Variants in ERCC2 observed in about 807,000 individuals in gnomAD.
The protein encoded by ERCC2 is general transcription and DNA repair factor IIH helicase subunit XPD.
Under a neutral mutation model 99.4 loss-of-function variants are expected in ERCC2, and 90 were observed. The ratio of observed to expected loss-of-function variants is 0.91; its 90% CI spans 0.76 to 1.08. The LOEUF is 1.08. Ranked by LOEUF, ERCC2 falls within the 50% of genes least tolerant of loss-of-function variation. The pLI is 0.00. For missense variants in ERCC2, 993 were observed against 1,038.1 expected (o/e 0.96, Z 0.60); for synonymous variants, 497 against 432.4 (o/e 1.15, Z -1.85).
In ERCC2 at chr19:45,359,082, G is replaced by C. The variant is rs78934286; in HGVS notation, c.1238-1383C>G. The C allele has an allele frequency of 2.1e-4, 126 of 598,596 alleles. 1 individual carries two copies. The highest frequency in any genetic ancestry group is 1.9e-3 in the African/African-American group (105 of 53,982). 37.1% of individuals were successfully genotyped at this position (598,596 alleles called of 1,614,324 possible). A position where few individuals can be genotyped will look rare whatever the true frequency, so the allele number is the denominator to read the frequency against. On this transcript the variant is annotated intron_variant, in intron 12 of 22. Transcript: ENST00000391945. ...GACAGACTTGTCCTCAGATAGTGATGACTGAGAGTGGGCAGTGCTGGGACA... is the reference window on the plus strand; with the variant it reads ...GACAGACTTGTCCTCAGATAGTGATCACTGAGAGTGGGCAGTGCTGGGACA...
intron 14 of ERCC2, 49 bp from the exon 15 acceptor site, chr19:45,357,420 G>T: frequency 6.2e-7 from 1 of 1,607,850 alleles, no homozygotes; most frequent in East Asian, 2.2e-5. Flanking sequence ...GCAGGGACCA[G>T]GAGGCCCATG....
intron 15 of ERCC2, 29 bp from the exon 16 acceptor site, chr19:45,355,757 G>T: frequency 6.2e-7 from 1 of 1,605,570 alleles, no homozygotes. Context: ...CACGATAAGC[G>T]AGGCAGCAGC....
chr19:45,364,765 G>A lies in ERCC2; in HGVS notation c.594+73C>T, dbSNP rs1337370085. The A allele has an allele frequency of 5.3e-6, 7 of 1,316,762 alleles. 1 individual carries two copies. Among genetic ancestry groups the A allele is most frequent in the Admixed American group, 1.7e-5 (1 of 58,726 alleles). 81.6% of individuals were successfully genotyped at this position (1,316,762 alleles called of 1,614,324 possible). ...CTCACAGCAAGCAACAGACAGACAT[G>A]GGCAGACAGGAGACGGGCGGGCAGC... On this transcript the variant is annotated intron_variant, in intron 7 of 22. Coordinates refer to ENST00000391945, the MANE Select transcript of ERCC2 (RefSeq NM_000400.4).
chr19:45,354,646 A>C, intron 17 of ERCC2, 84 bp downstream of exon 17: 1 of 1,559,470 alleles, frequency 6.4e-7, no homozygotes, highest in Non-Finnish European at 8.8e-7. Flanking sequence ...TCACCATCAG[A>C]GTGTGAGAGG....
At chr19:45,355,363 A>C (rs954120451) in intron 16 of ERCC2, among the ~76,000 whole-genome samples, 9 of 152,300 alleles carry the variant, frequency 5.9e-5, no homozygotes, top group African/African-American at 1.9e-4. Context: ...TCTCAAAAAA[A>C]GGCCATGTGT....
At position 45,362,817 on chromosome 19, in the gene ERCC2, C is replaced by T. The variant is rs1299165652; in HGVS notation, c.1118+926G>A. 3.3e-5 allele frequency among the ~76,000 whole-genome samples: 5 copies of T among 152,226 alleles called. No individual in the cohort carries two copies. In the East Asian group the frequency reaches 9.6e-4, roughly 29 times the overall value. On this transcript the variant is annotated intron_variant, in intron 11 of 22. Coordinates refer to ENST00000391945, the MANE Select transcript of ERCC2 (RefSeq NM_000400.4). ...GCCTCACCCACAGAGGCAGGGCAGC[C>T]AGGGCCTTTGGAGCCCACAGGCATG...
In ERCC2 at chr19:45,370,519, C is replaced by T. The variant is rs952870745; in HGVS notation, c.5+17G>A. 1.4e-5 allele frequency: 23 copies of T among 1,587,756 alleles called. No homozygotes were observed. Among genetic ancestry groups the T allele is most frequent in the Non-Finnish European group, 1.9e-5 (22 of 1,172,396 alleles). ...CCCGCGCCCGCTAGCGAGCGCGACC[C>T]CCAGCCCCCTTCTCACTTCATGGCG... On this transcript the variant is annotated intron_variant, in intron 1 of 22. Coordinates refer to ENST00000391945, the MANE Select transcript of ERCC2 (RefSeq NM_000400.4).
intron 5 of ERCC2, among the ~76,000 whole-genome samples, chr19:45,367,551 CTT>C (rs1477356604): frequency 6.8e-6 from 1 of 146,578 alleles, no homozygotes; most frequent in Non-Finnish European, 1.5e-5. Flanking sequence ...GAGTTTCACT[CTT>C]GTTGCCCAGG....
chr19:45,367,037 A>G (rs1972445352), intron 5 of ERCC2, among the ~76,000 whole-genome samples: 1 of 152,040 alleles, frequency 6.6e-6, no homozygotes, highest in Non-Finnish European at 1.5e-5. Context: ...CTCCATTTCA[A>G]AAATAATAAT....
rs1486530003 is a variant in ERCC2, at chr19:45,352,379, C to T, written c.2047-27G>A. 4 of 1,613,850 alleles carry T rather than the reference C, an allele frequency of 2.5e-6. No homozygotes were observed. The South Asian group carries it at 3.3e-5, about 13-fold the overall frequency. Reference sequence around the variant, plus strand: ...TGTGGGCAGAAGCGCAGGCCAGGGACAGAAGGTCATTCGGGGAGCCTGGGC... The same window carrying T: ...TGTGGGCAGAAGCGCAGGCCAGGGATAGAAGGTCATTCGGGGAGCCTGGGC... On this transcript the variant is annotated intron_variant, in intron 21 of 22. Transcript: ENST00000391945.
At position 45,350,895 on chromosome 19, in the gene ERCC2, C is replaced by G. The variant is rs993345471; in HGVS notation, c.*734G>C. 2 of 1,584,126 alleles carry G rather than the reference C, an allele frequency of 1.3e-6. No homozygotes were observed. Among genetic ancestry groups the G allele is most frequent in the Non-Finnish European group, 1.7e-6 (2 of 1,153,262 alleles). On this transcript the variant is annotated 3_prime_UTR_variant, in exon 23 of 23. Transcript: ENST00000391945. ...ATCAAACCCTGTGCTGGAAAGGTCC[C>G]TCGTGGAGGGGGGCCACTCCTGGAT...
At chr19:45,353,725 A>T (rs1449764813) in intron 17 of ERCC2, among the ~76,000 whole-genome samples, 1 of 152,184 alleles carries the variant, frequency 6.6e-6, no homozygotes, top group African/African-American at 2.4e-5. Flanking sequence ...CAGAATGGAG[A>T]GTCCAGAAAC....
Position 45,370,166 on chromosome 19 carries a change from G to A in ERCC2, c.72C>T (p.Tyr24=), listed in dbSNP as rs41549115. ...YDYIYPEQFS[Y]MRELKRTLDA... ...CCAGCGTGCGTTTGAGCTCCCGCAT[G>A]TAGGAGAACTGCTCGGGGTAGATGT... Residue 24 remains tyrosine, a synonymous_variant, in exon 2 of 23, where the codon TAC becomes TAT. Transcript: ENST00000391945. 20 of 1,613,282 alleles carry A rather than the reference G, an allele frequency of 1.2e-5. No homozygotes were observed. The highest frequency in any genetic ancestry group is 1.7e-5 in the Non-Finnish European group (20 of 1,179,464).
chr19:45,350,398 A>G lies in ERCC2; in HGVS notation c.*1231T>C, dbSNP rs768739633. On this transcript the variant is annotated 3_prime_UTR_variant, in exon 23 of 23. Transcript: ENST00000391945. ...ACAAGCGGAAGAGCTGTACAAAGAA[A>G]TCCTCCACAAGGAGGACCTACCCGC... The G allele has an allele frequency of 6.2e-7, 1 of 1,613,094 alleles. No homozygotes were observed. The highest frequency in any genetic ancestry group is 8.5e-7 in the Non-Finnish European group (1 of 1,179,830).
Position 45,363,947 on chromosome 19 carries a change from G to A in ERCC2, c.950-36C>T, listed in dbSNP as rs543738661. The A allele has an allele frequency of 1.6e-5, 25 of 1,515,260 alleles. No homozygotes were observed. The Middle Eastern group carries it at 6.8e-4, about 41-fold the overall frequency. The allele number at this position is 1,515,260 out of a possible 1,614,324, so 93.9% of individuals were successfully genotyped here. ...ACGCTATCAGCGGCGACGGGGAGGC[G>A]GGAAAGGGACTGGGGGGCAGCGGGG... On this transcript the variant is annotated intron_variant, in intron 10 of 22. Coordinates refer to ENST00000391945, the MANE Select transcript of ERCC2 (RefSeq NM_000400.4).
rs777791255 is a variant in ERCC2 at position 45,364,204 on chromosome 19, G to A, written c.815+31C>T. The A allele has an allele frequency of 1.5e-5, 24 of 1,611,922 alleles. No homozygotes were observed. In the East Asian group the frequency reaches 1.8e-4, roughly 12 times the overall value. On this transcript the variant is annotated intron_variant, in intron 9 of 22. Coordinates refer to ENST00000391945, the MANE Select transcript of ERCC2 (RefSeq NM_000400.4). ...GGGGCCAGGGTCCCAGGGGCAGGGC[G>A]GGCACCACCGCCAGACGTCCCCGGC...
chr19:45,351,130 T>G lies in ERCC2; in HGVS notation c.*499A>C, dbSNP rs140206614. ...GGAGTCAGCAGGTGGTGGGTTGGTG[T>G]CAGAAGAGACCCAGGACAGGAGCAA... On this transcript the variant is annotated 3_prime_UTR_variant, in exon 23 of 23. Transcript: ENST00000391945. 5.0e-5 allele frequency: 80 copies of G among 1,603,198 alleles called. No individual in the cohort carries two copies. The African/African-American group carries it at 5.8e-4, about 12-fold the overall frequency.
intron 1 of ERCC2, 99 bp from the exon 2 acceptor site, chr19:45,370,331 G>A (rs1253661933): frequency 6.5e-7 from 1 of 1,548,388 alleles, no homozygotes; most frequent in Admixed American, 1.9e-5. Flanking sequence ...GACGGGCCCG[G>A]CGCCCCCGGT....
chr19:45,365,092 G>A lies in ERCC2; in HGVS notation c.427C>T (p.Arg143Trp), dbSNP rs765679315. 11 of 1,613,974 alleles carry A rather than the reference G, an allele frequency of 6.8e-6. No individual in the cohort carries two copies. The highest frequency in any genetic ancestry group is 2.2e-5 in the East Asian group (1 of 44,892). Residue 143 changes from arginine to tryptophan, a missense_variant, in exon 6 of 23, where the codon CGG (arginine) becomes TGG (tryptophan). Arg to Trp is a moderately radical substitution (Grantham distance 101). Transcript: ENST00000391945. ...KCHSLTASYV[R>W]AQYQHDTSLP... ...CTGGTGTCATGCTGGTACTGCGCCC[G>A]CACATAGGAGGCTGTGAGGCTGTGG...
Sources: allele counts gnomAD v4.1 joint callset (sites outside exome capture counted in the v4.1 genomes callset), GRCh38; gene constraint gnomAD v4.1.1; transcripts MANE v1.5; gene names NCBI Gene and HGNC (gene_info 2026-07-23, HGNC 2026-07-21).